Variants in PRKG2 observed in about 807,000 individuals in gnomAD.
PRKG2 encodes the protein protein kinase cGMP-dependent 2.
Under a neutral mutation model 97.2 loss-of-function variants are expected in PRKG2, and 33 were observed. The ratio of observed to expected loss-of-function variants is 0.34; its 90% CI spans 0.26 to 0.45. The LOEUF (loss-of-function observed/expected upper bound fraction) is 0.45, where lower values mean the gene tolerates loss of function less well. PRKG2 is among the 20% of genes least tolerant of loss of function. PRKG2 has a pLI of 1.00. For synonymous variants in PRKG2, 330 were observed against 321.8 expected (o/e 1.03, Z -0.27); for missense variants, 638 against 900.0 (o/e 0.71, Z 3.73).
At chr4:81,162,815 G>A (rs917932369) in intron 6 of PRKG2, among the ~76,000 whole-genome samples, 1 of 152,128 alleles carries the variant, frequency 6.6e-6, no homozygotes, top group African/African-American at 2.4e-5. Context: ...TAGCTGCGGG[G>A]ATTGTGTTCG....
intron 3 of PRKG2, chr4:81,173,668 C>G (rs1479338556): frequency 6.6e-6 from 1 of 151,974 alleles, no homozygotes; most frequent in Non-Finnish European, 1.5e-5. Context: ...AAATAATAAT[C>G]ATAAAATTGG....
In PRKG2 at chr4:81,159,199, G is replaced by A. The variant is rs192984009; in HGVS notation, c.913-5478C>T. Among the ~76,000 whole-genome samples the A allele has an allele frequency of 5.8e-3, 882 of 152,112 alleles. 6 individuals are homozygous for A. The highest frequency in any genetic ancestry group is 6.5e-3 in the Non-Finnish European group (444 of 67,990). On this transcript the variant is annotated intron_variant, in intron 6 of 18. Transcript: ENST00000264399. ...ACCTACAAAATGGGAGAAAATTTTTGCAACCTACTCATCTGACACAGGGCT... is the reference window on the plus strand; with the variant it reads ...ACCTACAAAATGGGAGAAAATTTTTACAACCTACTCATCTGACACAGGGCT...
intron 2 of PRKG2, among the ~76,000 whole-genome samples, chr4:81,188,327 C>T (rs1283367321): frequency 6.7e-6 from 1 of 150,052 alleles, no homozygotes; most frequent in African/African-American, 2.5e-5. Flanking sequence ...AATGAGATAC[C>T]ATCTCACATC....
chr4:81,124,801 C>G (rs1745396164), intron 14 of PRKG2, among the ~76,000 whole-genome samples: 1 of 152,106 alleles, frequency 6.6e-6, no homozygotes, highest in Non-Finnish European at 1.5e-5. Context: ...AACCTGAGAT[C>G]ATAAATGATT....
chr4:81,181,199 T>C (rs1212031497), intron 2 of PRKG2, among the ~76,000 whole-genome samples: 2 of 152,008 alleles, frequency 1.3e-5, no homozygotes, highest in African/African-American at 4.8e-5. Flanking sequence ...ATTCTTTAAA[T>C]ATAGTATTAA....
chr4:81,165,173 C>A (rs1749874082), intron 6 of PRKG2, among the ~76,000 whole-genome samples: 2 of 152,102 alleles, frequency 1.3e-5, no homozygotes, highest in Non-Finnish European at 2.9e-5. Flanking sequence ...GCAATGGCTG[C>A]CTCTATAAAT....
intron 6 of PRKG2, among the ~76,000 whole-genome samples, chr4:81,155,338 A>AGATGAAATG (rs1489225572): frequency 6.6e-6 from 1 of 152,084 alleles, no homozygotes; most frequent in Non-Finnish European, 1.5e-5. Flanking sequence ...CAGCAATGGA[A>AGATGAAATG]GATGAAATGA....
chr4:81,110,764 G>GAGAGAGAGAGACAGACAGAC (rs1553919021), intron 14 of PRKG2, among the ~76,000 whole-genome samples, 153 bp from the exon 15 acceptor site: 1 of 146,222 alleles, frequency 6.8e-6, no homozygotes, highest in Non-Finnish European at 1.5e-5. Context: ...GAGAGAGAGA[G>GAGAGAGAGAGACAGACAGAC]AGACAGACAG....
At chr4:81,187,112 C>G (rs1447048046) in intron 2 of PRKG2, among the ~76,000 whole-genome samples, 1 of 152,160 alleles carries the variant, frequency 6.6e-6, no homozygotes, top group African/African-American at 2.4e-5. Context: ...GGACTCCTCC[C>G]TAACTCATTT....
At chr4:81,135,411 G>T (rs557364389) in intron 13 of PRKG2, 115 bp from the exon 14 acceptor site, 70 of 1,084,658 alleles carry the variant, frequency 6.5e-5, no homozygotes, top group Non-Finnish European at 8.5e-5. Context: ...ATTTTGCAGG[G>T]TATCAACAAT....
chr4:81,093,398 CACACACAA>C (rs1345095976), intron 17 of PRKG2, among the ~76,000 whole-genome samples: 50 of 147,910 alleles, frequency 3.4e-4, no homozygotes, highest in African/African-American at 1.3e-3. Flanking sequence ...CACACACACA[CACACACAA>C]GCTTCTTATC....
chr4:81,212,757 C>T (rs1432728046), intron 1 of PRKG2, among the ~76,000 whole-genome samples: 2 of 151,894 alleles, frequency 1.3e-5, no homozygotes, highest in African/African-American at 4.8e-5. Context: ...AGGATATTAG[C>T]GATGAGGAGA....
chr4:81,203,984 T>C (rs1324993641), intron 2 of PRKG2, among the ~76,000 whole-genome samples: 1 of 152,174 alleles, frequency 6.6e-6, no homozygotes, highest in Admixed American at 6.5e-5. Context: ...TTGGCTTTTA[T>C]CATATTATTG....
intron 10 of PRKG2, 112 bp downstream of exon 10, chr4:81,144,120 T>C: frequency 2.3e-6 from 2 of 852,276 alleles, no homozygotes; most frequent in East Asian, 2.5e-5. Context: ...CAGAATTTTC[T>C]AGTGAAGGCA....
chr4:81,112,791 T>C (rs1367618620), intron 14 of PRKG2, among the ~76,000 whole-genome samples: 2 of 152,194 alleles, frequency 1.3e-5, no homozygotes, highest in African/African-American at 4.8e-5. Flanking sequence ...ATCTTCTACA[T>C]CAAGTTTTGT....
chr4:81,104,300 G>T, intron 17 of PRKG2, 70 bp downstream of exon 17: 1 of 1,181,148 alleles, frequency 8.5e-7, no homozygotes, highest in South Asian at 1.6e-5. Context: ...CCTCCTGAGA[G>T]AAGCTTTTGC....
intron 15 of PRKG2, among the ~76,000 whole-genome samples, chr4:81,108,218 T>C (rs1438208920): frequency 6.6e-6 from 1 of 152,116 alleles, no homozygotes. Flanking sequence ...AATAAATAAA[T>C]AATAAAAACA....
At chr4:81,166,766 T>C (rs1445120691) in intron 6 of PRKG2, among the ~76,000 whole-genome samples, 1 of 152,110 alleles carries the variant, frequency 6.6e-6, no homozygotes, top group African/African-American at 2.4e-5. Context: ...AGGACCAACA[T>C]ACCCTTTCTC....
chr4:81,181,564 G>A (rs1286192142), intron 2 of PRKG2, among the ~76,000 whole-genome samples: 3 of 151,218 alleles, frequency 2.0e-5, no homozygotes, highest in East Asian at 3.9e-4. Context: ...ATATAATGAA[G>A]AGAATCAACA....
Sources: gnomAD v4.1 joint callset for allele counts (sites outside exome capture counted in the v4.1 genomes callset) on GRCh38, gnomAD v4.1.1 for gene constraint, MANE v1.5 for transcripts, NCBI Gene and HGNC (gene_info 2026-07-23, HGNC 2026-07-21) for gene names.